TRPC5: variants seen among roughly 807,000 people sequenced by gnomAD.
TRPC5 encodes the protein transient receptor potential cation channel subfamily C member 5, also known as short transient receptor potential channel 5.
A neutral mutation model predicts 56.5 loss-of-function variants in TRPC5; 9 were observed. The observed-to-expected ratio is 0.16, with a 90% CI of 0.10 to 0.28. The LOEUF (loss-of-function observed/expected upper bound fraction) is 0.28. TRPC5 is among the 10% of genes least tolerant of loss of function. The pLI, the probability that TRPC5 is intolerant of heterozygous loss-of-function variation, is 1.00. For synonymous variants in TRPC5, 282 were observed against 278.5 expected (o/e 1.01, Z -0.13); for missense variants, 469 against 748.9 (o/e 0.63, Z 4.36).
chrX:111,816,452 C>G (rs1378564613), intron 7 of TRPC5, among the ~76,000 whole-genome samples: 4 of 112,086 alleles, frequency 3.6e-5, no homozygotes, highest in Non-Finnish European at 7.5e-5. Flanking sequence ...TTGGTGAGAG[C>G]ACAGGATCCC....
intron 1 of TRPC5, among the ~76,000 whole-genome samples, chrX:112,020,437 G>A (rs1399171787): frequency 9.0e-6 from 1 of 111,470 alleles, no homozygotes; most frequent in African/African-American, 3.3e-5. Context: ...GAGCTTCAAA[G>A]TTCTCTGATT....
At chrX:111,943,787 G>C (rs1306442150) in intron 2 of TRPC5, among the ~76,000 whole-genome samples, 1 of 112,011 alleles carries the variant, frequency 8.9e-6, no homozygotes, top group Non-Finnish European at 1.9e-5. Flanking sequence ...ACAGACGGGA[G>C]AGCATTGCCA....
At chrX:111,902,201 C>T in intron 3 of TRPC5, 3 of 1,042,712 alleles carry the variant, frequency 2.9e-6, no homozygotes, top group Non-Finnish European at 3.8e-6. Flanking sequence ...AATTTCTGCC[C>T]CCGTCCCCAG....
intron 2 of TRPC5, among the ~76,000 whole-genome samples, chrX:111,920,393 A>G (rs1211357456): frequency 1.8e-5 from 2 of 111,581 alleles, no homozygotes; most frequent in Non-Finnish European, 3.8e-5. Context: ...CCCCCCTTCA[A>G]TTCTATTTTG....
At chrX:112,018,388 G>A (rs141567635) in intron 1 of TRPC5, among the ~76,000 whole-genome samples, 3 of 112,457 alleles carry the variant, frequency 2.7e-5, no homozygotes, top group African/African-American at 9.7e-5. Context: ...CATTCCTCTG[G>A]GTGACTGAGT....
At chrX:111,866,760 A>T (rs1203282499) in intron 3 of TRPC5, among the ~76,000 whole-genome samples, 1 of 112,261 alleles carries the variant, frequency 8.9e-6, no homozygotes, top group Non-Finnish European at 1.9e-5. Flanking sequence ...AGTGAAGAGA[A>T]TTATCTTCCC....
intron 1 of TRPC5, among the ~76,000 whole-genome samples, chrX:112,076,539 G>T (rs1483348894): frequency 9.0e-6 from 1 of 111,526 alleles, no homozygotes; most frequent in Non-Finnish European, 1.9e-5. Flanking sequence ...TATTATTTGT[G>T]CATTTTAAAG....
intron 1 of TRPC5, among the ~76,000 whole-genome samples, chrX:111,984,989 A>G (rs1928176212): frequency 8.9e-6 from 1 of 112,559 alleles, no homozygotes; most frequent in Non-Finnish European, 1.9e-5. Flanking sequence ...TCATATGAAG[A>G]TCCATCTGTC....
chrX:111,908,738 A>T (rs1483556495), intron 3 of TRPC5, among the ~76,000 whole-genome samples: 2 of 112,298 alleles, frequency 1.8e-5, no homozygotes, highest in African/African-American at 6.5e-5. Flanking sequence ...TCAAAAAGTG[A>T]TTTACTTTTG....
chrX:111,944,301 T>TAAA, intron 2 of TRPC5, among the ~76,000 whole-genome samples: 1 of 84,557 alleles, frequency 1.2e-5, no homozygotes, highest in South Asian at 5.3e-4. Flanking sequence ...TGTGTGTGTG[T>TAAA]GTGAGAGAGA....
intron 1 of TRPC5, among the ~76,000 whole-genome samples, chrX:111,983,888 C>T (rs769971024): frequency 6.3e-5 from 7 of 111,605 alleles, no homozygotes; most frequent in Non-Finnish European, 1.1e-4. Context: ...AGACAGAAGA[C>T]GGCGTAGCAG....
At chrX:111,970,969 G>A (rs917065525) in intron 1 of TRPC5, among the ~76,000 whole-genome samples, 10 of 110,000 alleles carry the variant, frequency 9.1e-5, no homozygotes, top group Non-Finnish European at 1.7e-4. Flanking sequence ...TAGTAGAGAC[G>A]GGGTTTCACC....
chrX:111,898,784 A>C (rs1925194732), intron 3 of TRPC5, among the ~76,000 whole-genome samples: 1 of 110,631 alleles, frequency 9.0e-6, no homozygotes, highest in Non-Finnish European at 1.9e-5. Context: ...AGGAATGATT[A>C]GGGGCTTTAC....
Position 111,772,577 on chromosome X carries a change from C to T in TRPC5, c.*3736G>A, listed in dbSNP as rs184056918. On this transcript the variant is annotated 3_prime_UTR_variant, in exon 11 of 11. Transcript: ENST00000262839. ...GCCTCTCAAGTAGTTGGACTACAGG[C>T]GTGTACCACCATGCCCAGCTAATTT... 1.2e-3 allele frequency among the ~76,000 whole-genome samples: 137 copies of T among 110,904 alleles called. No individual in the cohort carries two copies. The highest frequency in any genetic ancestry group is 2.3e-3 in the Non-Finnish European group (120 of 52,994).
intron 1 of TRPC5, among the ~76,000 whole-genome samples, chrX:112,035,031 T>A (rs1284615683): frequency 9.2e-6 from 1 of 109,157 alleles, no homozygotes; most frequent in African/African-American, 3.3e-5. Flanking sequence ...TTCTTCTTTT[T>A]CTATTTCCTT....
intron 10 of TRPC5, among the ~76,000 whole-genome samples, chrX:111,778,550 A>T (rs1406985644): frequency 8.9e-6 from 1 of 111,826 alleles, no homozygotes; most frequent in Non-Finnish European, 1.9e-5. Flanking sequence ...TAATGCCACT[A>T]GTATAATTTT....
At chrX:112,023,155 C>T (rs190489323) in intron 1 of TRPC5, among the ~76,000 whole-genome samples, 19 of 106,169 alleles carry the variant, frequency 1.8e-4, no homozygotes, top group Non-Finnish European at 3.3e-4. Flanking sequence ...AGGATGGACT[C>T]GATCTCCTGA....
At chrX:111,844,402 T>C (rs997068303) in intron 6 of TRPC5, among the ~76,000 whole-genome samples, 11 of 111,130 alleles carry the variant, frequency 9.9e-5, no homozygotes, top group African/African-American at 3.6e-4. Context: ...ACAATGAGTT[T>C]CCCTTAAATT....
chrX:111,999,787 A>G (rs111599906), intron 1 of TRPC5, among the ~76,000 whole-genome samples: 6,504 of 110,826 alleles, frequency 0.059, 487 homozygotes, highest in African/African-American at 0.2. Flanking sequence ...CCAACATGGC[A>G]AAACCCCGTC....
Sources: gnomAD v4.1 joint callset for allele counts (sites outside exome capture counted in the v4.1 genomes callset) on GRCh38, gnomAD v4.1.1 for gene constraint, MANE v1.5 for transcripts, NCBI Gene and HGNC (gene_info 2026-07-23, HGNC 2026-07-21) for gene names.